The following TMEM272 variants were observed in gnomAD, a reference collection of about 807,000 sequenced individuals.
TMEM272 encodes the protein long intergenic non-protein coding RNA 282.
A neutral mutation model predicts 3.7 loss-of-function variants in TMEM272; 8 were observed. The ratio of observed to expected loss-of-function variants is 2.17; its 90% CI spans 1.27 to 3.91. The LOEUF (loss-of-function observed/expected upper bound fraction) is 3.91, where lower values mean the gene tolerates loss of function less well. TMEM272 is among the 30% of genes most tolerant of loss of function. TMEM272 has a pLI of 0.00. For synonymous variants in TMEM272, 63 were observed against 39.8 expected (o/e 1.58, Z -2.20); for missense variants, 166 against 91.5 (o/e 1.81, Z -3.32).
intron 4 of TMEM272, among the ~76,000 whole-genome samples, chr13:51,817,857 C>T (rs1956047580): frequency 2.0e-5 from 3 of 152,152 alleles, no homozygotes; most frequent in South Asian, 2.1e-4. Flanking sequence ...GACACGCCTT[C>T]GAAATTCTGC....
At chr13:51,929,144 C>G in the TMEM272 span, among the ~76,000 whole-genome samples, 1 of 152,038 alleles carries the variant, frequency 6.6e-6, no homozygotes, top group African/African-American at 2.4e-5. Flanking sequence ...TTGCAGTGAG[C>G]TGAGATTGTG....
chr13:51,879,722 G>T, the TMEM272 span, among the ~76,000 whole-genome samples: 2 of 152,152 alleles, frequency 1.3e-5, no homozygotes, highest in East Asian at 3.9e-4. Flanking sequence ...CAGACACCAA[G>T]CATACAACGG....
At chr13:51,866,412 C>T in the TMEM272 span, among the ~76,000 whole-genome samples, 1 of 152,098 alleles carries the variant, frequency 6.6e-6, no homozygotes, top group African/African-American at 2.4e-5. Flanking sequence ...AGGAGAGGCT[C>T]GGGCCATGCC....
chr13:51,904,958 A>T, the TMEM272 span, among the ~76,000 whole-genome samples: 1 of 152,168 alleles, frequency 6.6e-6, no homozygotes, highest in African/African-American at 2.4e-5. Flanking sequence ...TTGCTGTGGG[A>T]GTCTGTTCTG....
the TMEM272 span, chr13:51,934,149 C>T: frequency 5.7e-6 from 1 of 176,102 alleles, no homozygotes; most frequent in South Asian, 1.4e-4. Context: ...GCAGCAAAGA[C>T]CACAAGGACA....
chr13:51,887,340 C>T, the TMEM272 span, among the ~76,000 whole-genome samples: 1 of 152,196 alleles, frequency 6.6e-6, no homozygotes, highest in African/African-American at 2.4e-5. Flanking sequence ...CATTCTTAGA[C>T]ATCCTTAAGC....
the TMEM272 span, among the ~76,000 whole-genome samples, chr13:51,904,374 T>C: frequency 1.3e-5 from 2 of 152,320 alleles, no homozygotes; most frequent in South Asian, 4.1e-4. Flanking sequence ...TATGCAATTC[T>C]TATGATGACC....
chr13:51,887,991 T>C, the TMEM272 span, among the ~76,000 whole-genome samples: 1 of 152,188 alleles, frequency 6.6e-6, no homozygotes, highest in Admixed American at 6.5e-5. Context: ...TATAACTTCA[T>C]ATAAATGGTA....
At chr13:51,877,323 C>T in the TMEM272 span, among the ~76,000 whole-genome samples, 1 of 152,222 alleles carries the variant, frequency 6.6e-6, no homozygotes, top group Non-Finnish European at 1.5e-5. Flanking sequence ...TGCTACATTA[C>T]ACTAGAAGAC....
chr13:51,838,384 C>T lies in TMEM272; in HGVS notation c.58+89G>A, dbSNP rs1956233525. The stretch of plus-strand genomic sequence containing the variant: ...CACCCCATACCAAGCACAGCCCACT[C>T]ATATGATCCACTCCAGCTTTAGCTC... On this transcript the variant is annotated intron_variant, in intron 2 of 4. Transcript: ENST00000629372. 2.6e-5 allele frequency: 18 copies of T among 701,896 alleles called. No homozygotes were observed. The South Asian group carries it at 2.7e-4, about 10-fold the overall frequency. The allele number at this position is 701,896 out of a possible 1,614,324, so 43.5% of individuals were successfully genotyped here. A position where few individuals can be genotyped will look rare whatever the true frequency, so the allele number is the denominator to read the frequency against.
At chr13:51,888,609 TTTAA>T in the TMEM272 span, among the ~76,000 whole-genome samples, 12 of 152,024 alleles carry the variant, frequency 7.9e-5, no homozygotes, top group African/African-American at 2.9e-4. Flanking sequence ...TTGGTACAGT[TTTAA>T]TTAATCCTTT....
At chr13:51,865,564 A>G in the TMEM272 span, 2 of 1,614,230 alleles carry the variant, frequency 1.2e-6, no homozygotes, top group Non-Finnish European at 1.7e-6. Flanking sequence ...GTGAAAAAAT[A>G]GAGGACTTCA....
At chr13:51,930,131 C>T in the TMEM272 span, among the ~76,000 whole-genome samples, 2 of 151,972 alleles carry the variant, frequency 1.3e-5, no homozygotes, top group South Asian at 2.1e-4. Context: ...TTGCCTTCCC[C>T]CCCCCCACTT....
At chr13:51,934,032 A>G in the TMEM272 span, 1 of 153,498 alleles carries the variant, frequency 6.5e-6, no homozygotes, top group Non-Finnish European at 1.4e-5. Context: ...AACTCTCCTC[A>G]ACTTGAAGAA....
At chr13:51,859,208 C>T in the TMEM272 span, among the ~76,000 whole-genome samples, 2 of 151,544 alleles carry the variant, frequency 1.3e-5, no homozygotes, top group Admixed American at 1.3e-4. Flanking sequence ...TGTTTAATAT[C>T]ATAGCTGCCT....
the TMEM272 span, among the ~76,000 whole-genome samples, chr13:51,874,336 GTTTC>G: frequency 1.2e-4 from 18 of 152,270 alleles, no homozygotes; most frequent in East Asian, 3.5e-3. Context: ...GCAAGAGTGG[GTTTC>G]TTTCTCTTTT....
Position 51,816,609 on chromosome 13 carries a change from T to A in TMEM272, c.*142A>T, listed in dbSNP as rs1020305866. On this transcript the variant is annotated 3_prime_UTR_variant, in exon 5 of 5. Transcript: ENST00000629372. ...CAGTGCCTTTGGGTGGCTTTTTAAATGCCTTCAGGGAAGGTTTTATTACCT... is the reference window on the plus strand; with the variant it reads ...CAGTGCCTTTGGGTGGCTTTTTAAAAGCCTTCAGGGAAGGTTTTATTACCT... 2 of 585,120 alleles carry A rather than the reference T, an allele frequency of 3.4e-6. No individual in the cohort carries two copies. The highest frequency in any genetic ancestry group is 3.7e-5 in the African/African-American group (2 of 53,680). 36.2% of individuals were successfully genotyped at this position (585,120 alleles called of 1,614,324 possible).
At chr13:51,851,033 G>T in the TMEM272 span, among the ~76,000 whole-genome samples, 1 of 152,146 alleles carries the variant, frequency 6.6e-6, no homozygotes, top group Non-Finnish European at 1.5e-5. Context: ...GTATGGTTAT[G>T]TTCATGTGTT....
rs770165491 is a variant in TMEM272, at chr13:51,817,144, G to A, written c.202-31C>T. The A allele has an allele frequency of 5.8e-6, 4 of 689,270 alleles. No individual in the cohort carries two copies. In the South Asian group the frequency reaches 6.1e-5, roughly 10 times the overall value. 42.7% of individuals were successfully genotyped at this position (689,270 alleles called of 1,614,324 possible). ...GCGTGGTGGGGAGCCAGGGTGGCAA[G>A]GCAGAGCAGCAAAATAGACGGGAAG... On this transcript the variant is annotated intron_variant, in intron 4 of 4. Coordinates refer to ENST00000629372, the MANE Select transcript of TMEM272 (RefSeq NM_001351003.2).
Sources: allele counts gnomAD v4.1 joint callset (sites outside exome capture counted in the v4.1 genomes callset), GRCh38; gene constraint gnomAD v4.1.1; transcripts MANE v1.5; gene names NCBI Gene and HGNC (gene_info 2026-07-23, HGNC 2026-07-21).